PDHX: variants seen among roughly 807,000 people sequenced by gnomAD.
PDHX encodes pyruvate dehydrogenase protein X component, mitochondrial.
A neutral mutation model predicts 55.3 loss-of-function variants in PDHX; 33 were observed. The observed-to-expected ratio is 0.60, with a 90% confidence interval of 0.45 to 0.80. The LOEUF is 0.80. Among genes scored for constraint, PDHX ranks in the 30% least tolerant of loss-of-function variants. The probability of loss-of-function intolerance (pLI) is 0.00; values close to 1 mark genes in which losing one functional copy is unlikely to be tolerated. For missense variants in PDHX, 622 were observed against 619.9 expected, an observed-to-expected ratio of 1.00 and a Z score of -0.04; for synonymous variants, 226 against 219.4, an observed-to-expected ratio of 1.03 and a Z score of -0.27.
At chr11:34,930,428 T>G (rs1854129733) in intron 1 of PDHX, among the ~76,000 whole-genome samples, 1 of 152,258 alleles carries the variant, frequency 6.6e-6, no homozygotes, top group African/African-American at 2.4e-5. Context: ...TTCCTTGCTT[T>G]TAACCCTAAA....
upstream of PDHX, chr11:34,916,446 G>A: frequency 1.4e-6 from 2 of 1,467,370 alleles, no homozygotes; most frequent in Non-Finnish European, 1.8e-6. Context: ...GTAAGGCCCC[G>A]CCGGCTGAGA....
chr11:34,924,735 A>G (rs1175245090), intron 1 of PDHX, among the ~76,000 whole-genome samples: 1 of 152,130 alleles, frequency 6.6e-6, no homozygotes, highest in Admixed American at 6.5e-5. Context: ...ATTTAGCACA[A>G]TAGTACATGC....
At chr11:34,958,477 A>G (rs1302537762) in intron 4 of PDHX, among the ~76,000 whole-genome samples, 1 of 151,788 alleles carries the variant, frequency 6.6e-6, no homozygotes, top group Non-Finnish European at 1.5e-5. Flanking sequence ...ATTTTTTTGT[A>G]TTTTTGGTAG....
chr11:34,984,461 T>C (rs1307022417), intron 8 of PDHX, 109 bp from the exon 9 acceptor site: 4 of 862,086 alleles, frequency 4.6e-6, no homozygotes, highest in Non-Finnish European at 7.4e-6. Flanking sequence ...ATTTATTTTC[T>C]CTTATCTAGC....
At position 34,916,687 on chromosome 11, in the gene PDHX, C is replaced by T. The variant is rs1291802569; in HGVS notation, c.32C>T (p.Pro11Leu). 1.9e-6 allele frequency: 3 copies of T among 1,611,852 alleles called. No individual in the cohort carries two copies. Among genetic ancestry groups the T allele is most frequent in the Non-Finnish European group, 2.5e-6 (3 of 1,179,928 alleles). ...GCCTCCTGGAGGCTGGGCTGTGATC[C>T]GCGGCTGCTGCGTTATCTTGTGGGC... is the stretch of plus-strand genomic sequence containing the variant. MAASWRLGCD[P>L]RLLRYLVGFP... Residue 11 changes from proline (P) to leucine (L), a missense_variant, in exon 1 of 11, where the codon CCG becomes CTG. Coordinates refer to ENST00000227868, the MANE Select transcript of PDHX (RefSeq NM_003477.3).
chr11:34,953,107 T>C (rs1385713808), intron 3 of PDHX, among the ~76,000 whole-genome samples: 1 of 151,986 alleles, frequency 6.6e-6, no homozygotes, highest in Non-Finnish European at 1.5e-5. Flanking sequence ...TCAAAGAGAA[T>C]AAAATACTTA....
chr11:34,931,265 T>TTACC, intron 1 of PDHX, 139 bp from the exon 2 acceptor site: 1 of 656,482 alleles, frequency 1.5e-6, no homozygotes, highest in Non-Finnish European at 2.8e-6. Flanking sequence ...GAGACTTAGT[T>TTACC]TACCAGTTGG....
intron 1 of PDHX, among the ~76,000 whole-genome samples, chr11:34,928,457 AC>A (rs1854077360): frequency 7.8e-6 from 1 of 127,792 alleles, no homozygotes; most frequent in African/African-American, 2.9e-5. Flanking sequence ...TTTTTTGCCC[AC>A]CCCCCTCCTT....
chr11:34,946,780 C>T (rs496620), intron 2 of PDHX, among the ~76,000 whole-genome samples: 104,943 of 152,066 alleles, frequency 0.69, 36,328 homozygotes, highest in East Asian at 0.74. Flanking sequence ...AGCCCTAGCT[C>T]CAAATAGTGA....
Position 34,995,355 on chromosome 11 carries a change from T to C in PDHX, c.*183T>C. On this transcript the variant is annotated 3_prime_UTR_variant, in exon 11 of 11. Transcript: ENST00000227868. ...CAATTTGGGTTTAATGTTATAGAAA[T>C]AAATGATGATAAACTCTAACTAATA... 1.7e-6 allele frequency: 1 copy of C among 597,370 alleles called. No homozygotes were observed. Among genetic ancestry groups the C allele is most frequent in the African/African-American group, 1.9e-5 (1 of 53,890 alleles). The allele number at this position is 597,370 out of a possible 1,614,324, so 37.0% of individuals were successfully genotyped here.
At chr11:34,988,736 G>A (rs750501429) in intron 9 of PDHX, among the ~76,000 whole-genome samples, 3 of 152,138 alleles carry the variant, frequency 2.0e-5, no homozygotes, top group Non-Finnish European at 4.4e-5. Context: ...CTTTTGGTTT[G>A]GAATTTGAAA....
At chr11:34,976,132 G>A (rs1229668847) in intron 7 of PDHX, among the ~76,000 whole-genome samples, 2 of 152,096 alleles carry the variant, frequency 1.3e-5, no homozygotes, top group South Asian at 2.1e-4. Context: ...ATATGGATTA[G>A]TTTATTATCT....
chr11:34,959,263 T>G lies in PDHX; in HGVS notation c.543-1157T>G, dbSNP rs551703252. The stretch of plus-strand genomic sequence containing the variant: ...CAATTAAAAAACAGGTGAAGAACTT[T>G]AATAGCATTTCTCCCAAGAAGATAC... On this transcript the variant is annotated intron_variant, in intron 4 of 10. Transcript: ENST00000227868. 4.7e-4 allele frequency among the ~76,000 whole-genome samples: 71 copies of G among 152,134 alleles called. 1 individual carries two copies. Among genetic ancestry groups the G allele is most frequent in the African/African-American group, 1.6e-3 (67 of 41,506 alleles).
At chr11:34,987,920 G>T (rs1354461691) in intron 9 of PDHX, among the ~76,000 whole-genome samples, 1 of 152,162 alleles carries the variant, frequency 6.6e-6, no homozygotes, top group Non-Finnish European at 1.5e-5. Context: ...GTGCTTTAAT[G>T]TGGTTATATT....
At chr11:34,916,023 G>A (rs1853673351), upstream of PDHX, 3 of 649,584 alleles carry the variant, frequency 4.6e-6, no homozygotes, top group East Asian at 6.0e-5. Flanking sequence ...GGAGCGCCCC[G>A]CCCGAGACCA....
intron 2 of PDHX, among the ~76,000 whole-genome samples, chr11:34,943,875 G>A (rs1854555117): frequency 6.6e-6 from 1 of 151,956 alleles, no homozygotes; most frequent in South Asian, 2.1e-4. Context: ...AACTGAATTA[G>A]ATGCCCCTCC....
At chr11:34,945,263 A>G (rs1417235158) in intron 2 of PDHX, among the ~76,000 whole-genome samples, 2 of 152,134 alleles carry the variant, frequency 1.3e-5, no homozygotes, top group South Asian at 4.1e-4. Context: ...TTTGAGTTTT[A>G]CACTTTTTAA....
At chr11:34,920,144 C>A (rs183134707) in intron 1 of PDHX, among the ~76,000 whole-genome samples, 78 of 152,286 alleles carry the variant, frequency 5.1e-4, no homozygotes, top group Non-Finnish European at 9.9e-4. Flanking sequence ...ATAATTGACA[C>A]AGCATCTGTA....
Position 34,936,774 on chromosome 11 carries a change from T to C in PDHX, c.241+5290T>C, listed in dbSNP as rs1336604061. Among the ~76,000 whole-genome samples, 4 of 86,894 alleles carry C rather than the reference T, an allele frequency of 4.6e-5. No homozygotes were observed. The East Asian group carries it at 2.3e-3, about 51-fold the overall frequency. 57.0% of individuals were successfully genotyped at this position (86,894 alleles called of 152,430 possible). On this transcript the variant is annotated intron_variant, in intron 2 of 10. Transcript: ENST00000227868. ...TGGTTTCTTAATAGGAAGTGGTTTC[T>C]TTTCTTTTCTTTTTTTTTTTTTTTT...
Sources: allele counts gnomAD v4.1 joint callset (sites outside exome capture counted in the v4.1 genomes callset), GRCh38; gene constraint gnomAD v4.1.1; transcripts MANE v1.5; gene names NCBI Gene and HGNC (gene_info 2026-07-23, HGNC 2026-07-21).